Variants in RAD9B observed in about 807,000 individuals in gnomAD.
RAD9B encodes RAD9 checkpoint clamp component B.
A neutral mutation model predicts 48.3 loss-of-function variants in RAD9B; 41 were observed. That is an observed-to-expected ratio of 0.85 (90% confidence interval 0.66 to 1.10). RAD9B has a LOEUF of 1.10. RAD9B is among the 50% of genes least tolerant of loss of function. The probability of loss-of-function intolerance (pLI) is 0.00; values close to 1 mark genes in which losing one functional copy is unlikely to be tolerated. For missense variants in RAD9B, 444 were observed against 485.1 expected, an observed-to-expected ratio of 0.92 and a Z score of 0.80; for synonymous variants, 160 against 157.9, an observed-to-expected ratio of 1.01 and a Z score of -0.10.
At chr12:110,504,859 C>T (rs368690226) in intron 2 of RAD9B, among the ~76,000 whole-genome samples, 6 of 151,812 alleles carry the variant, frequency 4.0e-5, no homozygotes, top group South Asian at 2.1e-4. Context: ...AAAAATTAGT[C>T]GGGTGATATG....
chr12:110,530,687 G>A lies in RAD9B; in HGVS notation c.*34G>A. 6.2e-7 allele frequency: 1 copy of A among 1,611,672 alleles called. No homozygotes were observed. Among genetic ancestry groups the A allele is most frequent in the Non-Finnish European group, 8.5e-7 (1 of 1,178,594 alleles). ...GATGGCTGAGCTGGGCCCCAGCCCAGTGACTGGCTCATTTGCCCCTCAAGC... is the reference window on the plus strand; with the variant it reads ...GATGGCTGAGCTGGGCCCCAGCCCAATGACTGGCTCATTTGCCCCTCAAGC... On this transcript the variant is annotated 3_prime_UTR_variant, in exon 11 of 11. Transcript: ENST00000409300.
intron 4 of RAD9B, chr12:110,511,623 C>G (rs553844234): frequency 1.1e-5 from 3 of 267,050 alleles, no homozygotes; most frequent in Non-Finnish European, 2.4e-5. Flanking sequence ...TACAAACATA[C>G]AGTTAGGTAG....
chr12:110,524,095 A>C (rs990957178), intron 10 of RAD9B, among the ~76,000 whole-genome samples: 1 of 152,144 alleles, frequency 6.6e-6, no homozygotes, highest in Non-Finnish European at 1.5e-5. Flanking sequence ...CTAGAGTTCA[A>C]ATGCCAAGGT....
At position 110,518,757 on chromosome 12, in the gene RAD9B, TAAC is replaced by T; in HGVS notation, c.679_681del (p.Thr227del). 2 of 1,606,574 alleles carry T rather than the reference TAAC, an allele frequency of 1.2e-6. No individual in the cohort carries two copies. Among genetic ancestry groups the T allele is most frequent in the Non-Finnish European group, 1.7e-6 (2 of 1,175,538 alleles). On this transcript the variant is annotated inframe_deletion, in exon 7 of 11. Coordinates refer to ENST00000409300, the MANE Select transcript of RAD9B (RefSeq NM_001286535.2). ...TTTCAAATTGGAATGGACACTGAGA[TAAC>T]ATTTTGTTTCAAAGAATTGAAGGTA...
Position 110,530,518 on chromosome 12 carries a change from C to T in RAD9B, c.1126-7C>T. On this transcript the variant is annotated splice_polypyrimidine_tract_variant and splice_region_variant and intron_variant, in intron 10 of 10. Transcript: ENST00000409300. ...AATCAACAATGCAGTTCCTTTTTTC[C>T]CTCCAGTTTTCTTGCATGTTCTTTG... 6.2e-7 allele frequency: 1 copy of T among 1,609,920 alleles called. No homozygotes were observed. Among genetic ancestry groups the T allele is most frequent in the Non-Finnish European group, 8.5e-7 (1 of 1,178,794 alleles).
chr12:110,525,662 C>T (rs2063914324), intron 10 of RAD9B, among the ~76,000 whole-genome samples: 1 of 152,026 alleles, frequency 6.6e-6, no homozygotes, highest in Non-Finnish European at 1.5e-5. Context: ...TATATAGTTA[C>T]TGTTTTTCTT....
intron 1 of RAD9B, chr12:110,502,627 G>T: frequency 1.9e-6 from 1 of 525,006 alleles, no homozygotes; most frequent in South Asian, 2.4e-5. Context: ...TTGTACCATC[G>T]GGCCACAAAC....
chr12:110,513,855 CTGGGACTACTAG>C (rs1276527285), intron 5 of RAD9B, among the ~76,000 whole-genome samples: 1 of 151,864 alleles, frequency 6.6e-6, no homozygotes, highest in Non-Finnish European at 1.5e-5. Context: ...TCCCGAGTAG[CTGGGACTACTAG>C]TGCAAGCCAC....
At chr12:110,525,831 C>T (rs112128088) in intron 10 of RAD9B, among the ~76,000 whole-genome samples, 2 of 152,296 alleles carry the variant, frequency 1.3e-5, no homozygotes, top group Admixed American at 6.5e-5. Flanking sequence ...GCTGAGATTA[C>T]AGGCGCCTGT....
chr12:110,506,281 C>T (rs1430279798), intron 3 of RAD9B, among the ~76,000 whole-genome samples: 3 of 151,684 alleles, frequency 2.0e-5, no homozygotes, highest in Non-Finnish European at 2.9e-5. Flanking sequence ...CTCTGCCTCC[C>T]GGGTTCACGC....
intron 10 of RAD9B, among the ~76,000 whole-genome samples, chr12:110,523,503 G>A (rs1019497208): frequency 2.6e-5 from 4 of 152,154 alleles, no homozygotes; most frequent in Non-Finnish European, 5.9e-5. Context: ...ACTGGACTTA[G>A]TTTGATACCA....
At chr12:110,526,680 C>A (rs2063948104) in intron 10 of RAD9B, among the ~76,000 whole-genome samples, 1 of 151,818 alleles carries the variant, frequency 6.6e-6, no homozygotes, top group East Asian at 1.9e-4. Context: ...GAGACCGAGA[C>A]AGGCAGATCA....
At position 110,532,856 on chromosome 12, in the gene RAD9B, G is replaced by A. The variant is rs1354530510; in HGVS notation, c.*2203G>A. Among the ~76,000 whole-genome samples, 1 of 152,208 alleles carries A rather than the reference G, an allele frequency of 6.6e-6. No individual in the cohort carries two copies. Among genetic ancestry groups the A allele is most frequent in the African/African-American group, 2.4e-5 (1 of 41,434 alleles). ...AACAGGCTATTCATATAGCCCAGAT[G>A]TGTAGTAGGCTAGACCATCTAGGCT... On this transcript the variant is annotated 3_prime_UTR_variant, in exon 11 of 11. Transcript: ENST00000409300.
chr12:110,523,173 C>T (rs1012969354), intron 10 of RAD9B, among the ~76,000 whole-genome samples: 3 of 152,244 alleles, frequency 2.0e-5, no homozygotes, highest in African/African-American at 7.2e-5. Flanking sequence ...CAGTGACTCA[C>T]GCCTGTAACC....
At chr12:110,522,432 C>G in intron 10 of RAD9B, 21 bp downstream of exon 10, 1 of 1,499,558 alleles carries the variant, frequency 6.7e-7, no homozygotes, top group South Asian at 1.2e-5. Flanking sequence ...TGAGATTCAA[C>G]CACATCTCAG....
intron 7 of RAD9B, 30 bp downstream of exon 7, chr12:110,518,812 T>C: frequency 1.9e-6 from 3 of 1,574,368 alleles, no homozygotes; most frequent in Non-Finnish European, 2.6e-6. Context: ...AATTTAAAAT[T>C]CAAATTTTCA....
At chr12:110,503,930 A>G (rs1442282531) in intron 2 of RAD9B, 54 bp downstream of exon 2, 9 of 1,064,620 alleles carry the variant, frequency 8.5e-6, no homozygotes, top group Non-Finnish European at 1.1e-5. Flanking sequence ...ATGTTTAAAG[A>G]TCCCAGTCCA....
chr12:110,505,871 G>A (rs2063248346), intron 3 of RAD9B, 99 bp downstream of exon 3: 1 of 882,046 alleles, frequency 1.1e-6, no homozygotes. Flanking sequence ...ATGGCATTCA[G>A]GACAAATCTG....
chr12:110,519,745 T>C, intron 8 of RAD9B, 49 bp from the exon 9 acceptor site: 1 of 1,565,002 alleles, frequency 6.4e-7, no homozygotes, highest in South Asian at 1.2e-5. Flanking sequence ...GTGTTTCTAA[T>C]GTCCATCAGA....
Sources: allele counts gnomAD v4.1 joint callset (sites outside exome capture counted in the v4.1 genomes callset), GRCh38; gene constraint gnomAD v4.1.1; transcripts MANE v1.5; gene names NCBI Gene and HGNC (gene_info 2026-07-23, HGNC 2026-07-21).